Variants in NTM observed in about 807,000 individuals in gnomAD.
NTM encodes IgLON family member 2.
NTM carries 13 observed loss-of-function variants against 42.1 expected under a neutral mutation model. The ratio of observed to expected loss-of-function variants is 0.31; its 90% CI spans 0.20 to 0.49. The LOEUF is 0.49. Ranked by LOEUF, NTM falls within the 20% of genes least tolerant of loss-of-function variation. The pLI, the probability that NTM is intolerant of heterozygous loss-of-function variation, is 0.99. For missense variants in NTM, 373 were observed against 452.8 expected (o/e 0.82, Z 1.60); for synonymous variants, 187 against 179.2 (o/e 1.04, Z -0.35).
intron 1 of NTM, among the ~76,000 whole-genome samples, chr11:131,739,476 A>G (rs1461211148): frequency 6.6e-6 from 1 of 152,156 alleles, no homozygotes; most frequent in Non-Finnish European, 1.5e-5. Context: ...ATAGTGAGAA[A>G]GGTTTGTGTC....
At chr11:131,500,540 A>ATTTT (rs1565568961) in intron 1 of NTM, among the ~76,000 whole-genome samples, 1 of 84,830 alleles carries the variant, frequency 1.2e-5, no homozygotes, top group African/African-American at 4.1e-5. Flanking sequence ...ATAGTTATTT[A>ATTTT]TTATATATAT....
chr11:131,835,343 T>G (rs2043351096), intron 1 of NTM, among the ~76,000 whole-genome samples: 1 of 152,064 alleles, frequency 6.6e-6, no homozygotes, highest in East Asian at 1.9e-4. Context: ...AGTTAGGATA[T>G]TCACGATACG....
intron 1 of NTM, among the ~76,000 whole-genome samples, chr11:131,763,307 G>T (rs561063068): frequency 9.7e-4 from 148 of 152,282 alleles, no homozygotes; most frequent in South Asian, 1.2e-3. Flanking sequence ...AAGAAATGTG[G>T]TGATGCAAGA....
intron 1 of NTM, among the ~76,000 whole-genome samples, chr11:131,904,896 G>T (rs2053645131): frequency 6.6e-6 from 1 of 152,168 alleles, no homozygotes; most frequent in Non-Finnish European, 1.5e-5. Context: ...TAGAGGCTGT[G>T]CTACTTCCTC....
At chr11:131,840,736 A>G (rs2044129236) in intron 1 of NTM, among the ~76,000 whole-genome samples, 1 of 152,218 alleles carries the variant, frequency 6.6e-6, no homozygotes. Context: ...AAACTGAACA[A>G]AGCCGTGTCT....
chr11:131,639,684 G>A (rs879871221), intron 1 of NTM, among the ~76,000 whole-genome samples: 11 of 152,258 alleles, frequency 7.2e-5, no homozygotes, highest in South Asian at 4.1e-4. Flanking sequence ...CTGGCCCGGC[G>A]CGGTGGCTCA....
intron 1 of NTM, among the ~76,000 whole-genome samples, chr11:131,524,718 G>A (rs973551818): frequency 6.6e-6 from 1 of 152,192 alleles, no homozygotes; most frequent in Admixed American, 6.5e-5. Flanking sequence ...GCTGATTGGG[G>A]AGTGCCCTTG....
chr11:131,666,291 A>T (rs1406117908), intron 1 of NTM, among the ~76,000 whole-genome samples: 3 of 152,174 alleles, frequency 2.0e-5, no homozygotes, highest in Non-Finnish European at 4.4e-5. Flanking sequence ...TGAGATGTCC[A>T]CACCCTGCCC....
At chr11:132,199,499 G>A (rs927577201) in intron 3 of NTM, among the ~76,000 whole-genome samples, 5 of 152,160 alleles carry the variant, frequency 3.3e-5, no homozygotes, top group Non-Finnish European at 5.9e-5. Flanking sequence ...GAAGATGCTG[G>A]CATAAAACCC....
chr11:132,017,474 G>A (rs951082005), intron 2 of NTM, among the ~76,000 whole-genome samples: 1 of 151,900 alleles, frequency 6.6e-6, no homozygotes, highest in Admixed American at 6.6e-5. Context: ...TTGCTCCTGT[G>A]AATGGGATTA....
chr11:131,782,105 C>G (rs117175326), intron 1 of NTM, among the ~76,000 whole-genome samples: 1 of 151,970 alleles, frequency 6.6e-6, no homozygotes, highest in Admixed American at 6.6e-5. Flanking sequence ...TACAGGAAAA[C>G]GTTTATTATT....
At chr11:131,394,327 C>T (rs765344055) in intron 1 of NTM, among the ~76,000 whole-genome samples, 1 of 152,194 alleles carries the variant, frequency 6.6e-6, no homozygotes, top group Non-Finnish European at 1.5e-5. Flanking sequence ...AGTCTGGTCA[C>T]CTGTGGAGGG....
At chr11:132,109,563 A>G (rs2062881246) in intron 2 of NTM, among the ~76,000 whole-genome samples, 1 of 152,220 alleles carries the variant, frequency 6.6e-6, no homozygotes, top group East Asian at 1.9e-4. Context: ...TCCCCTGCTT[A>G]GAACCTTTCA....
rs75286565 is a variant in NTM, at chr11:131,838,027, T to C, written c.83-73537T>C. 3.1e-3 allele frequency among the ~76,000 whole-genome samples: 468 copies of C among 152,278 alleles called. 2 individuals carry two copies. Among genetic ancestry groups the C allele is most frequent in the Non-Finnish European group, 5.2e-3 (353 of 68,020 alleles). ...TCACGGTGAAATGAGTTCTTAATAA[T>C]ATATTTACCACCTGGGAAACATCTC... is the stretch of plus-strand genomic sequence containing the variant. On this transcript the variant is annotated intron_variant, in intron 1 of 8. Transcript: ENST00000683400.
intron 4 of NTM, among the ~76,000 whole-genome samples, chr11:132,218,512 G>A (rs955092369): frequency 6.6e-6 from 1 of 152,158 alleles, no homozygotes; most frequent in Non-Finnish European, 1.5e-5. Context: ...AGGGCGTAAG[G>A]CAAGACTTGA....
chr11:131,833,640 A>G (rs927753472), intron 1 of NTM, among the ~76,000 whole-genome samples: 9 of 152,180 alleles, frequency 5.9e-5, no homozygotes, highest in South Asian at 2.1e-4. Context: ...AATAGTATTC[A>G]GTGACATGAA....
chr11:131,653,297 G>A (rs1408568356), intron 1 of NTM, among the ~76,000 whole-genome samples: 2 of 150,998 alleles, frequency 1.3e-5, no homozygotes, highest in Non-Finnish European at 2.9e-5. Flanking sequence ...TTAGCCTTCA[G>A]AAACAGATGT....
chr11:131,942,343 A>T (rs2059885724), intron 2 of NTM, among the ~76,000 whole-genome samples: 1 of 151,884 alleles, frequency 6.6e-6, no homozygotes, highest in African/African-American at 2.4e-5. Flanking sequence ...GGGGACTTGG[A>T]CTCCCTTCTT....
intron 1 of NTM, among the ~76,000 whole-genome samples, chr11:131,679,851 CTGTT>C (rs2072117672): frequency 6.6e-6 from 1 of 152,050 alleles, no homozygotes. Context: ...TTGAGAACCA[CTGTT>C]TGTTAGGAGA....
Sources: gnomAD v4.1 joint callset for allele counts (sites outside exome capture counted in the v4.1 genomes callset) on GRCh38, gnomAD v4.1.1 for gene constraint, MANE v1.5 for transcripts, NCBI Gene and HGNC (gene_info 2026-07-23, HGNC 2026-07-21) for gene names.